Variants in CTDSPL2 observed in about 807,000 individuals in gnomAD.
CTDSPL2 encodes the protein CTD small phosphatase like 2, also known as CTD small phosphatase-like protein 2.
A neutral mutation model predicts 60.0 loss-of-function variants in CTDSPL2; 5 were observed. That is an observed-to-expected ratio of 0.08 (90% confidence interval 0.04 to 0.18). CTDSPL2 has a LOEUF of 0.18. Ranked by LOEUF, CTDSPL2 falls within the 10% of genes least tolerant of loss-of-function variation. The pLI, the probability that CTDSPL2 is intolerant of heterozygous loss-of-function variation, is 1.00. For synonymous variants in CTDSPL2, 186 were observed against 189.3 expected (o/e 0.98, Z 0.14); for missense variants, 370 against 548.8 (o/e 0.67, Z 3.26).
chr15:44,442,752 G>C (rs1295686433), intron 1 of CTDSPL2, among the ~76,000 whole-genome samples: 1 of 152,076 alleles, frequency 6.6e-6, no homozygotes, highest in Non-Finnish European at 1.5e-5. Context: ...AAGATGGGCG[G>C]ATCACTTGAG....
intron 2 of CTDSPL2, among the ~76,000 whole-genome samples, chr15:44,483,281 AAG>A (rs1247962160): frequency 3.3e-5 from 5 of 151,902 alleles, no homozygotes; most frequent in African/African-American, 7.3e-5. Context: ...AAAAAAGAAA[AAG>A]AAAAAATCAC....
At chr15:44,485,184 A>G (rs1022076435) in intron 3 of CTDSPL2, among the ~76,000 whole-genome samples, 1 of 152,228 alleles carries the variant, frequency 6.6e-6, no homozygotes, top group African/African-American at 2.4e-5. Flanking sequence ...TAAACATCCT[A>G]CAATACACAG....
In CTDSPL2 at chr15:44,458,977, T is replaced by C. The variant is rs777219642; in HGVS notation, c.-24-14T>C. The C allele has an allele frequency of 2.8e-6, 4 of 1,435,386 alleles. No homozygotes were observed. The South Asian group carries it at 6.0e-5, about 22-fold the overall frequency. 88.9% of individuals were successfully genotyped at this position (1,435,386 alleles called of 1,614,324 possible). A position where few individuals can be genotyped will look rare whatever the true frequency, so the allele number is the denominator to read the frequency against. ...TTTTAATTTTTTATTACATTTATTA[T>C]TTTTCTCTTTTAGTTTTACATGTGG... On this transcript the variant is annotated splice_polypyrimidine_tract_variant and intron_variant, in intron 1 of 12. Coordinates refer to ENST00000260327, the MANE Select transcript of CTDSPL2 (RefSeq NM_016396.3).
chr15:44,474,994 T>C (rs1256444652), intron 2 of CTDSPL2, among the ~76,000 whole-genome samples: 3 of 152,004 alleles, frequency 2.0e-5, no homozygotes, highest in African/African-American at 7.2e-5. Flanking sequence ...AAATAAATAA[T>C]AAATAAATAA....
chr15:44,515,114 G>GC (rs1201645996), intron 10 of CTDSPL2, among the ~76,000 whole-genome samples: 10 of 139,252 alleles, frequency 7.2e-5, no homozygotes, highest in African/African-American at 3.0e-4. Context: ...GACGGGGGTT[G>GC]GGGGGGTTGT....
At chr15:44,446,633 C>T (rs2080220794) in intron 1 of CTDSPL2, among the ~76,000 whole-genome samples, 1 of 139,802 alleles carries the variant, frequency 7.2e-6, no homozygotes, top group Non-Finnish European at 1.5e-5. Context: ...CTATCTCAAA[C>T]AATCAAACAA....
chr15:44,524,420 T>TTA lies in CTDSPL2; in HGVS notation c.*248_*249dup. ...ACTAGTGCAACTCCAGTGAAATTTTTTATGTACAGGACATCTGCAGTTTAT... is the reference window on the plus strand; with the variant it reads ...ACTAGTGCAACTCCAGTGAAATTTTTTATATGTACAGGACATCTGCAGTTTAT... On this transcript the variant is annotated 3_prime_UTR_variant, in exon 13 of 13. Transcript: ENST00000260327. 1 of 457,356 alleles carries TTA rather than the reference T, an allele frequency of 2.2e-6. No homozygotes were observed. Among genetic ancestry groups the TTA allele is most frequent in the South Asian group, 3.2e-5 (1 of 31,052 alleles). 28.3% of individuals were successfully genotyped at this position (457,356 alleles called of 1,614,324 possible).
intron 2 of CTDSPL2, among the ~76,000 whole-genome samples, chr15:44,467,108 G>T (rs905709572): frequency 6.6e-6 from 1 of 152,162 alleles, no homozygotes; most frequent in African/African-American, 2.4e-5. Flanking sequence ...GTCTGCTGTT[G>T]ACTGAAACAT....
chr15:44,433,619 A>T (rs142086207), intron 1 of CTDSPL2, among the ~76,000 whole-genome samples: 4,088 of 151,916 alleles, frequency 0.027, 97 homozygotes, highest in East Asian at 0.1. Flanking sequence ...AGTAGCTAGG[A>T]CTACAGGTGT....
chr15:44,506,412 CTTTTTTTTT>C (rs764238056), intron 8 of CTDSPL2, among the ~76,000 whole-genome samples: 5 of 112,396 alleles, frequency 4.4e-5, no homozygotes, highest in African/African-American at 1.8e-4. Flanking sequence ...CCTACTTTGA[CTTTTTTTTT>C]TTTTTTTTTT....
rs79292571 is a variant in CTDSPL2 at position 44,428,313 on chromosome 15, G to A, written c.-25+541G>A. On this transcript the variant is annotated intron_variant, in intron 1 of 12. Transcript: ENST00000260327. Reference sequence around the variant, plus strand: ...TTGACATTGTTACTTTTTCAAATCGGGAGTGGTAGTAAAGAACAGTCCATG... The same window carrying A: ...TTGACATTGTTACTTTTTCAAATCGAGAGTGGTAGTAAAGAACAGTCCATG... 2.6e-4 allele frequency among the ~76,000 whole-genome samples: 40 copies of A among 152,236 alleles called. 2 individuals carry two copies. In the East Asian group the frequency reaches 7.5e-3, roughly 29 times the overall value.
intron 1 of CTDSPL2, among the ~76,000 whole-genome samples, chr15:44,429,702 C>T (rs2079818658): frequency 1.3e-5 from 2 of 152,078 alleles, no homozygotes; most frequent in Non-Finnish European, 2.9e-5. Context: ...TCCATCTCTA[C>T]TAAAAATACA....
At position 44,527,738 on chromosome 15, in the gene CTDSPL2, G is replaced by A. The variant is rs1211012288; in HGVS notation, c.*3564G>A. 1 of 152,186 alleles carries A rather than the reference G, an allele frequency of 6.6e-6. No individual in the cohort carries two copies. The highest frequency in any genetic ancestry group is 2.4e-5 in the African/African-American group (1 of 41,454). 9.4% of individuals were successfully genotyped at this position (152,186 alleles called of 1,614,324 possible). On this transcript the variant is annotated 3_prime_UTR_variant, in exon 13 of 13. Transcript: ENST00000260327. Reference sequence around the variant, plus strand: ...ACCGAATAACTATGCCAAGCAACTAGTAAAGAATGTTTATTTTATTTCCCC... The same window carrying A: ...ACCGAATAACTATGCCAAGCAACTAATAAAGAATGTTTATTTTATTTCCCC...
chr15:44,440,167 A>G (rs939089272), intron 1 of CTDSPL2, among the ~76,000 whole-genome samples: 4 of 151,030 alleles, frequency 2.6e-5, no homozygotes, highest in Non-Finnish European at 5.9e-5. Context: ...GTGTACAGGC[A>G]TAAAGTTGTT....
chr15:44,471,487 T>C (rs1035995846), intron 2 of CTDSPL2, among the ~76,000 whole-genome samples: 2 of 152,158 alleles, frequency 1.3e-5, no homozygotes, highest in African/African-American at 4.8e-5. Context: ...GGGATAAATA[T>C]ATTCCTGTGA....
chr15:44,496,977 A>T, intron 6 of CTDSPL2, 50 bp from the exon 7 acceptor site: 1 of 1,050,254 alleles, frequency 9.5e-7, no homozygotes. Context: ...GTAATGTTCT[A>T]TATGTATAAA....
intron 2 of CTDSPL2, among the ~76,000 whole-genome samples, chr15:44,479,751 A>G (rs2080991697): frequency 6.6e-6 from 1 of 151,970 alleles, no homozygotes; most frequent in Admixed American, 6.6e-5. Context: ...TATAATTTTT[A>G]TCTTTTCCCT....
rs531244623 is a variant in CTDSPL2, at chr15:44,455,518, C to T, written c.-24-3473C>T. ...TGTGCCAGTTTTCAAAGGGAATGCT[C>T]CCAGTTTTTGCCCATTCAGTATGAT... On this transcript the variant is annotated intron_variant, in intron 1 of 12. Transcript: ENST00000260327. 6.8e-4 allele frequency among the ~76,000 whole-genome samples: 104 copies of T among 152,048 alleles called. 2 individuals carry two copies. The highest frequency in any genetic ancestry group is 5.9e-4 in the Admixed American group (9 of 15,254).
At chr15:44,444,013 C>T (rs931719398) in intron 1 of CTDSPL2, among the ~76,000 whole-genome samples, 53 of 151,864 alleles carry the variant, frequency 3.5e-4, no homozygotes, top group Non-Finnish European at 6.6e-4. Context: ...AGGGATCCTC[C>T]CACCTCAGCT....
Sources: gnomAD v4.1 joint callset for allele counts (sites outside exome capture counted in the v4.1 genomes callset) on GRCh38, gnomAD v4.1.1 for gene constraint, MANE v1.5 for transcripts, NCBI Gene and HGNC (gene_info 2026-07-23, HGNC 2026-07-21) for gene names.